Variants in HDAC9 observed in about 807,000 individuals in gnomAD.
HDAC9 encodes the protein MEF-2 interacting transcription repressor (MITR) protein.
A neutral mutation model predicts 139.4 loss-of-function variants in HDAC9; 41 were observed. The observed-to-expected ratio is 0.29, with a 90% confidence interval of 0.23 to 0.38. The LOEUF is 0.38. Ranked by LOEUF, HDAC9 falls within the 10% of genes least tolerant of loss-of-function variation. The pLI, the probability that HDAC9 is intolerant of heterozygous loss-of-function variation, is 1.00. For synonymous variants in HDAC9, 517 were observed against 476.2 expected (o/e 1.09, Z -1.12); for missense variants, 1,147 against 1,297.0 (o/e 0.88, Z 1.78).
chr7:18,970,848 G>T (rs1784200806), intron 24 of HDAC9, among the ~76,000 whole-genome samples: 1 of 152,070 alleles, frequency 6.6e-6, no homozygotes, highest in South Asian at 2.1e-4. Flanking sequence ...ACAGCTCTAA[G>T]GCTCCAAAAT....
intron 2 of HDAC9, among the ~76,000 whole-genome samples, chr7:18,175,485 G>T (rs1221173299): frequency 6.6e-6 from 1 of 152,212 alleles, no homozygotes; most frequent in Non-Finnish European, 1.5e-5. Context: ...ACCAGTCCCA[G>T]TGAGGTGAAC....
intron 3 of HDAC9, 95 bp from the exon 4 acceptor site, chr7:18,590,241 C>A: frequency 7.8e-7 from 1 of 1,289,170 alleles, no homozygotes; most frequent in Non-Finnish European, 1.1e-6. Flanking sequence ...TAAATACAAA[C>A]AAGTTCCAAA....
chr7:18,747,698 T>C (rs1417742691), intron 13 of HDAC9, among the ~76,000 whole-genome samples: 1 of 152,052 alleles, frequency 6.6e-6, no homozygotes, highest in East Asian at 1.9e-4. Context: ...GGAAGAAGGA[T>C]AGAGTTTGAA....
intron 6 of HDAC9, among the ~76,000 whole-genome samples, chr7:18,602,696 TAA>T (rs1254936320): frequency 6.6e-6 from 1 of 152,136 alleles, no homozygotes; most frequent in East Asian, 1.9e-4. Context: ...AGAGTTTTTT[TAA>T]GTCATGTTTT....
intron 6 of HDAC9, among the ~76,000 whole-genome samples, chr7:18,618,589 G>T (rs73309471): frequency 6.6e-6 from 1 of 151,626 alleles, no homozygotes. Context: ...ACTCTCTCAC[G>T]CAGTCAGTTC....
chr7:18,441,814 G>A (rs1460661161), intron 1 of HDAC9, among the ~76,000 whole-genome samples: 1 of 152,116 alleles, frequency 6.6e-6, no homozygotes, highest in Non-Finnish European at 1.5e-5. Flanking sequence ...TGTCGCTCAG[G>A]CTGGAGTGCA....
chr7:18,255,445 G>T (rs1400346905), intron 2 of HDAC9, among the ~76,000 whole-genome samples: 1 of 152,112 alleles, frequency 6.6e-6, no homozygotes, highest in African/African-American at 2.4e-5. Flanking sequence ...CATGGTATGA[G>T]CAAGACAAAG....
intron 2 of HDAC9, among the ~76,000 whole-genome samples, chr7:18,511,652 C>T (rs1346283242): frequency 6.6e-6 from 1 of 152,078 alleles, no homozygotes; most frequent in East Asian, 1.9e-4. Context: ...TTAGTGGACA[C>T]AGGAGACAAC....
intron 17 of HDAC9, among the ~76,000 whole-genome samples, chr7:18,827,249 TAA>T (rs1261353150): frequency 2.6e-5 from 4 of 152,148 alleles, no homozygotes. Context: ...AACAAAATGT[TAA>T]AGACTATCTA....
At chr7:18,738,447 C>T (rs1270122263) in intron 13 of HDAC9, among the ~76,000 whole-genome samples, 2 of 152,224 alleles carry the variant, frequency 1.3e-5, no homozygotes, top group African/African-American at 2.4e-5. Context: ...TCTTGTAAGG[C>T]AGGCCTGGTA....
At chr7:18,721,856 A>G (rs987849687) in intron 12 of HDAC9, among the ~76,000 whole-genome samples, 1 of 152,198 alleles carries the variant, frequency 6.6e-6, no homozygotes, top group African/African-American at 2.4e-5. Flanking sequence ...CACCCCCAAG[A>G]AAATATTTAA....
chr7:18,544,098 G>T (rs1813923154), intron 2 of HDAC9, among the ~76,000 whole-genome samples: 1 of 152,184 alleles, frequency 6.6e-6, no homozygotes, highest in South Asian at 2.1e-4. Context: ...TGTAAGAAGG[G>T]ATTGTAGGAC....
intron 2 of HDAC9, among the ~76,000 whole-genome samples, chr7:18,273,574 A>G (rs893950698): frequency 3.3e-5 from 5 of 152,188 alleles, no homozygotes; most frequent in African/African-American, 9.7e-5. Context: ...CACAAAAGCA[A>G]TTCCAGATAA....
At chr7:18,593,482 C>T (rs78694714) in intron 5 of HDAC9, among the ~76,000 whole-genome samples, 337 of 152,250 alleles carry the variant, frequency 2.2e-3, no homozygotes, top group African/African-American at 7.7e-3. Flanking sequence ...CATGTACTCA[C>T]ATGTACTATC....
chr7:18,562,649 T>C (rs1207655813), intron 2 of HDAC9, among the ~76,000 whole-genome samples: 2 of 152,198 alleles, frequency 1.3e-5, no homozygotes, highest in Non-Finnish European at 2.9e-5. Flanking sequence ...TGTTGTATTA[T>C]TATAACTTTG....
chr7:18,264,435 C>T (rs1460217355), intron 2 of HDAC9, among the ~76,000 whole-genome samples: 1 of 151,936 alleles, frequency 6.6e-6, no homozygotes, highest in Non-Finnish European at 1.5e-5. Context: ...GGTCAAAGAA[C>T]AAAGCAGGGT....
At chr7:18,475,792 G>T (rs564331173) in intron 1 of HDAC9, among the ~76,000 whole-genome samples, 1 of 152,312 alleles carries the variant, frequency 6.6e-6, no homozygotes, top group Admixed American at 6.5e-5. Flanking sequence ...TTCTGTAAAT[G>T]TCAGTCATAA....
At chr7:18,624,143 C>G (rs1214924964) in intron 6 of HDAC9, among the ~76,000 whole-genome samples, 1 of 152,130 alleles carries the variant, frequency 6.6e-6, no homozygotes, top group Non-Finnish European at 1.5e-5. Flanking sequence ...ACCTTGGAAT[C>G]CTAATTTTTT....
chr7:18,442,526 T>A (rs913802280), intron 1 of HDAC9, among the ~76,000 whole-genome samples: 5 of 152,220 alleles, frequency 3.3e-5, no homozygotes, highest in Non-Finnish European at 5.9e-5. Context: ...ATGCTCATTT[T>A]ATCTCCATTA....
Sources: allele counts gnomAD v4.1 joint callset (sites outside exome capture counted in the v4.1 genomes callset), GRCh38; gene constraint gnomAD v4.1.1; transcripts MANE v1.5; gene names NCBI Gene and HGNC (gene_info 2026-07-23, HGNC 2026-07-21).